The following TNRC6A variants were observed in gnomAD, a reference collection of about 807,000 sequenced individuals.
TNRC6A encodes trinucleotide repeat containing adaptor 6A.
TNRC6A carries 44 observed loss-of-function variants against 221.2 expected under a neutral mutation model. That is an observed-to-expected ratio of 0.20 (90% CI 0.16 to 0.26). The LOEUF is 0.26. Among genes scored for constraint, TNRC6A ranks in the 10% least tolerant of loss-of-function variants. TNRC6A has a pLI of 1.00. For missense variants in TNRC6A, 2,199 were observed against 2,404.4 expected (o/e 0.91, Z 1.79); for synonymous variants, 847 against 838.5 (o/e 1.01, Z -0.18).
intron 2 of TNRC6A, among the ~76,000 whole-genome samples, chr16:24,650,283 A>T (rs1272740615): frequency 6.6e-6 from 1 of 152,250 alleles, no homozygotes; most frequent in Non-Finnish European, 1.5e-5. Flanking sequence ...TCTTTAGTGA[A>T]CAATGTGATG....
At chr16:24,657,339 A>C (rs7184699) in intron 2 of TNRC6A, among the ~76,000 whole-genome samples, 22,006 of 122,842 alleles carry the variant, frequency 0.18, 1,994 homozygotes, top group Non-Finnish European at 0.24. Flanking sequence ...AAAAAAAAAA[A>C]AAACAAACAA....
chr16:24,752,120 A>G (rs1167727850), intron 3 of TNRC6A, among the ~76,000 whole-genome samples: 2 of 152,128 alleles, frequency 1.3e-5, no homozygotes, highest in East Asian at 1.9e-4. Context: ...AAAAGTTTGT[A>G]TTTTAGTATG....
intron 1 of TNRC6A, among the ~76,000 whole-genome samples, chr16:24,618,291 C>T (rs1227374824): frequency 2.0e-5 from 3 of 152,188 alleles, no homozygotes; most frequent in Non-Finnish European, 4.4e-5. Context: ...CAATTGAACA[C>T]TTTGCATGTG....
At chr16:24,635,328 G>A (rs978891414) in intron 1 of TNRC6A, among the ~76,000 whole-genome samples, 5 of 151,888 alleles carry the variant, frequency 3.3e-5, no homozygotes, top group Non-Finnish European at 7.4e-5. Context: ...TGTCACCCAG[G>A]CTTGAGTGCA....
At position 24,814,116 on chromosome 16, in the gene TNRC6A, G is replaced by A. The variant is rs376015287; in HGVS notation, c.4673-1031G>A. On this transcript the variant is annotated intron_variant, in intron 18 of 24. Coordinates refer to ENST00000395799, the MANE Select transcript of TNRC6A (RefSeq NM_014494.4). The stretch of plus-strand genomic sequence containing the variant: ...GTGGAGACACACTGAGTCAGGGATA[G>A]GTCAGTGCCCACCAGCGAGAGGTGT... 1.6e-4 allele frequency among the ~76,000 whole-genome samples: 25 copies of A among 152,308 alleles called. 1 individual carries two copies. The highest frequency in any genetic ancestry group is 5.8e-4 in the African/African-American group (24 of 41,566).
chr16:24,623,600 A>G (rs1380851464), intron 1 of TNRC6A, among the ~76,000 whole-genome samples: 2 of 152,106 alleles, frequency 1.3e-5, no homozygotes, highest in African/African-American at 4.8e-5. Flanking sequence ...TTTAAAAATT[A>G]TGAAGAATTT....
At position 24,806,241 on chromosome 16, in the gene TNRC6A, G is replaced by A; in HGVS notation, c.4287G>A (p.Gln1429=). 6.2e-7 allele frequency: 1 copy of A among 1,614,206 alleles called. No homozygotes were observed. Among genetic ancestry groups the A allele is most frequent in the South Asian group, 1.1e-5 (1 of 91,086 alleles). The change falls in exon 16 of 25, where the codon CAG becomes CAA. Residue 1429 remains glutamine, a synonymous_variant. Coordinates refer to ENST00000395799, the MANE Select transcript of TNRC6A (RefSeq NM_014494.4). ...LLAQQQRAQS[Q]RSVPSGNRPQ... is the part of the protein sequence containing the mutation. ...CGCAGCAGCAAAGGGCGCAGAGTCA[G>A]AGAAGCGTGCCTTCTGGGAACCGGC...
chr16:24,798,038 A>T, intron 11 of TNRC6A, 72 bp downstream of exon 11: 1 of 1,391,990 alleles, frequency 7.2e-7, no homozygotes, highest in Non-Finnish European at 1.0e-6. Context: ...TTCTACTGAA[A>T]GAGCCCTGAC....
Position 24,729,662 on chromosome 16 carries a change from G to A in TNRC6A, c.-180G>A. 1 of 659,404 alleles carries A rather than the reference G, an allele frequency of 1.5e-6. No individual in the cohort carries two copies. Among genetic ancestry groups the A allele is most frequent in the Non-Finnish European group, 2.2e-6 (1 of 460,464 alleles). The allele number at this position is 659,404 out of a possible 1,614,324, so 40.8% of individuals were successfully genotyped here. On this transcript the variant is annotated 5_prime_UTR_variant, in exon 1 of 25. Transcript: ENST00000395799. ...CGAGTGGGGCATTCACTTCCGGTCT[G>A]GGGCCTGCGGCGGCGGCGGTGTCGG...
At chr16:24,663,855 G>A (rs1478154569) in intron 2 of TNRC6A, 2 of 452,966 alleles carry the variant, frequency 4.4e-6, no homozygotes, top group Non-Finnish European at 8.9e-6. Flanking sequence ...TCAACTACCC[G>A]GCATGGCCCA....
chr16:24,820,491 G>A (rs749498430), intron 22 of TNRC6A, 131 bp downstream of exon 22: 48 of 787,314 alleles, frequency 6.1e-5, no homozygotes, highest in Admixed American at 1.4e-4. Context: ...TGAGAACTTC[G>A]GTAAACAAAT....
In TNRC6A at chr16:24,776,934, G is replaced by A. The variant is rs1322972281; in HGVS notation, c.165G>A (p.Val55=). The change falls in exon 5 of 25, where the codon GTG becomes GTA. Residue 55 remains valine, a splice_region_variant and synonymous_variant. Coordinates refer to ENST00000395799, the MANE Select transcript of TNRC6A (RefSeq NM_014494.4). ...QKKATEQKIK[V]PEQIKPSVSQ... ...CCCCTTTTCTTTTGTTGGGATTAGTGCCAGAACAGATAAAGCCCAGTGTAA... is the reference window on the plus strand; with the variant it reads ...CCCCTTTTCTTTTGTTGGGATTAGTACCAGAACAGATAAAGCCCAGTGTAA... 3.7e-6 allele frequency: 6 copies of A among 1,611,950 alleles called. No homozygotes were observed. The highest frequency in any genetic ancestry group is 3.3e-5 in the South Asian group (3 of 91,008).
At chr16:24,707,684 A>G (rs2056123522) in intron 2 of TNRC6A, among the ~76,000 whole-genome samples, 1 of 152,218 alleles carries the variant, frequency 6.6e-6, no homozygotes, top group East Asian at 1.9e-4. Flanking sequence ...ACATAAAAAC[A>G]CACAAAAAAT....
chr16:24,817,450 G>A (rs2058678402), intron 20 of TNRC6A, among the ~76,000 whole-genome samples: 1 of 152,116 alleles, frequency 6.6e-6, no homozygotes, highest in Admixed American at 6.5e-5. Context: ...GAATATTGAA[G>A]GACTTTCATC....
At chr16:24,682,382 C>T (rs749291065) in intron 2 of TNRC6A, among the ~76,000 whole-genome samples, 60 of 145,728 alleles carry the variant, frequency 4.1e-4, no homozygotes, top group Non-Finnish European at 8.0e-4. Flanking sequence ...TGCACCACCA[C>T]GCCCAGCTTT....
intron 1 of TNRC6A, among the ~76,000 whole-genome samples, chr16:24,628,352 G>A (rs575936406): frequency 1.3e-5 from 2 of 151,960 alleles, no homozygotes; most frequent in Non-Finnish European, 2.9e-5. Flanking sequence ...CCTAGGAGGC[G>A]GAGGTTGCAG....
intron 2 of TNRC6A, among the ~76,000 whole-genome samples, chr16:24,687,843 G>GAAGAAGAAGAA (rs1555489487): frequency 1.6e-4 from 16 of 101,910 alleles, no homozygotes; most frequent in East Asian, 5.6e-4. Flanking sequence ...AAGAGGAAGA[G>GAAGAAGAAGAA]GAAGAAGAAG....
At chr16:24,818,941 T>C (rs2058710140) in intron 21 of TNRC6A, among the ~76,000 whole-genome samples, 1 of 151,802 alleles carries the variant, frequency 6.6e-6, no homozygotes, top group African/African-American at 2.4e-5. Flanking sequence ...AGCAGCTCTG[T>C]AATTAAATGT....
At chr16:24,816,177 A>T (rs2058653911) in intron 19 of TNRC6A, 4 of 151,846 alleles carry the variant, frequency 2.6e-5, no homozygotes, top group African/African-American at 7.3e-5. Context: ...ATGCAAAAAG[A>T]AATTAGCCGG....
Sources: allele counts gnomAD v4.1 joint callset (sites outside exome capture counted in the v4.1 genomes callset), GRCh38; gene constraint gnomAD v4.1.1; transcripts MANE v1.5; gene names NCBI Gene and HGNC (gene_info 2026-07-23, HGNC 2026-07-21).